The following PRPF4 variants were observed in gnomAD, a reference collection of about 807,000 sequenced individuals.
PRPF4 encodes the protein U4/U6 small nuclear ribonucleoprotein Prp4.
A neutral mutation model predicts 72.2 loss-of-function variants in PRPF4; 14 were observed. The observed-to-expected ratio is 0.19, with a 90% CI of 0.13 to 0.30. PRPF4 has a LOEUF of 0.30. Ranked by LOEUF, PRPF4 falls within the 10% of genes least tolerant of loss-of-function variation. The probability of loss-of-function intolerance (pLI) is 1.00; values close to 1 mark genes in which losing one functional copy is unlikely to be tolerated. For missense variants in PRPF4, 478 were observed against 653.9 expected, an observed-to-expected ratio of 0.73 and a Z score of 2.93; for synonymous variants, 225 against 232.2, an observed-to-expected ratio of 0.97 and a Z score of 0.28.
intron 6 of PRPF4, among the ~76,000 whole-genome samples, 192 bp from the exon 7 acceptor site, chr9:113,284,103 A>G (rs1231364372): frequency 6.6e-6 from 1 of 151,508 alleles, no homozygotes; most frequent in African/African-American, 2.4e-5. Context: ...AGAAAACAGC[A>G]TGCTGGAGTT....
chr9:113,277,797 T>TC (rs1238718742), intron 2 of PRPF4, among the ~76,000 whole-genome samples: 1 of 152,146 alleles, frequency 6.6e-6, no homozygotes, highest in East Asian at 1.9e-4. Context: ...AGCCCAGGAA[T>TC]CCAAGACCAG....
chr9:113,276,859 G>C (rs1832117084), intron 2 of PRPF4, 134 bp downstream of exon 2: 4 of 1,021,392 alleles, frequency 3.9e-6, no homozygotes, highest in Non-Finnish European at 5.6e-6. Flanking sequence ...TCTGTCGCCA[G>C]GCTGGAGTGC....
At chr9:113,284,845 G>A (rs1015628750) in intron 7 of PRPF4, among the ~76,000 whole-genome samples, 4 of 152,172 alleles carry the variant, frequency 2.6e-5, no homozygotes, top group South Asian at 2.1e-4. Context: ...CTCGTTAAAC[G>A]TTAATTATTG....
Position 113,282,990 on chromosome 9 carries a change from C to T in PRPF4, c.481-142C>T. ...TAGTTACATATCATAGAAAAAAATT[C>T]AGTAGAAAGTCCTCTGCCTGATTTC... On this transcript the variant is annotated intron_variant, in intron 4 of 13. Coordinates refer to ENST00000374198, the MANE Select transcript of PRPF4 (RefSeq NM_001244926.2). The T allele has an allele frequency of 3.4e-6, 5 of 1,464,306 alleles. 1 individual carries two copies. In the South Asian group the frequency reaches 6.8e-5, roughly 20 times the overall value. 90.7% of individuals were successfully genotyped at this position (1,464,306 alleles called of 1,614,324 possible). A position where few individuals can be genotyped will look rare whatever the true frequency, so the allele number is the denominator to read the frequency against.
chr9:113,282,487 A>AT (rs370244839), intron 3 of PRPF4, among the ~76,000 whole-genome samples, 159 bp from the exon 4 acceptor site: 1 of 150,748 alleles, frequency 6.6e-6, no homozygotes, highest in African/African-American at 2.4e-5. Context: ...GAAAAAAAAA[A>AT]GGTTGCTAGG....
chr9:113,290,336 C>T, intron 10 of PRPF4, 130 bp from the exon 11 acceptor site: 1 of 1,307,324 alleles, frequency 7.6e-7, no homozygotes, highest in Non-Finnish European at 1.1e-6. Flanking sequence ...AAGGAGCTTC[C>T]TGTTAATATG....
chr9:113,290,258 G>T (rs10981719), intron 10 of PRPF4, among the ~76,000 whole-genome samples: 1 of 151,600 alleles, frequency 6.6e-6, no homozygotes, highest in Admixed American at 6.6e-5. Context: ...GGTTTACAGC[G>T]ATTCCATGGT....
intron 3 of PRPF4, among the ~76,000 whole-genome samples, chr9:113,279,838 T>A (rs12348629): frequency 0.09 from 13,656 of 152,240 alleles, 925 homozygotes; most frequent in African/African-American, 0.18. Flanking sequence ...AGAACAATGA[T>A]AAATGTTTCT....
chr9:113,287,162 A>T (rs1832473146), intron 9 of PRPF4, among the ~76,000 whole-genome samples: 1 of 152,184 alleles, frequency 6.6e-6, no homozygotes, highest in African/African-American at 2.4e-5. Context: ...GCCTTTTCTT[A>T]CTAAAGGAGT....
chr9:113,279,064 G>T lies in PRPF4; in HGVS notation c.325G>T (p.Ala109Ser). 2 of 1,614,258 alleles carry T rather than the reference G, an allele frequency of 1.2e-6. No homozygotes were observed. Among genetic ancestry groups the T allele is most frequent in the Non-Finnish European group, 8.5e-7 (1 of 1,180,048 alleles). Residue 109 changes from alanine to serine, a missense_variant, in exon 3 of 14, where the codon GCT becomes TCT. Ala to Ser is a moderately conservative substitution (Grantham distance 99, BLOSUM62 1). Coordinates refer to ENST00000374198, the MANE Select transcript of PRPF4 (RefSeq NM_001244926.2). ...TTCCACAGATGACTCAGAGGTCAAA[G>T]CTTGCCTTAGAGCCTTGGGGGAACC... is the stretch of plus-strand genomic sequence containing the variant. Reference protein sequence around the residue: ...NVSTDDSEVKACLRALGEPIT... With the variant: ...NVSTDDSEVKSCLRALGEPIT...
intron 6 of PRPF4, 135 bp downstream of exon 6, chr9:113,283,617 A>G: frequency 1.2e-6 from 1 of 815,666 alleles, no homozygotes; most frequent in Non-Finnish European, 1.9e-6. Flanking sequence ...CTGCTGTGAC[A>G]TGGAAGGAGC....
In PRPF4 at chr9:113,284,333, G is replaced by A. The variant is rs753520157; in HGVS notation, c.693G>A (p.Arg231=). 1.3e-5 allele frequency: 21 copies of A among 1,613,186 alleles called. No individual in the cohort carries two copies. Among genetic ancestry groups the A allele is most frequent in the Non-Finnish European group, 1.7e-5 (20 of 1,179,376 alleles). The change falls in exon 7 of 14, where the codon CGG becomes CGA. Residue 231 remains arginine (R), a synonymous_variant. Transcript: ENST00000374198. ...NNFCSQIGDD[R]PISYCHFSPN... The stretch of plus-strand genomic sequence containing the variant: ...TTTGCAGTCAGATTGGGGATGATCG[G>A]CCTATCTCCTACTGTCACTTTAGTC...
intron 8 of PRPF4, 70 bp from the exon 9 acceptor site, chr9:113,286,635 T>C: frequency 6.3e-7 from 1 of 1,575,650 alleles, no homozygotes; most frequent in Non-Finnish European, 8.7e-7. Context: ...TGTCCACATG[T>C]TCCCTAGTAT....
intron 2 of PRPF4, among the ~76,000 whole-genome samples, chr9:113,277,450 A>G (rs1832144421): frequency 1.3e-5 from 2 of 151,616 alleles, no homozygotes; most frequent in Admixed American, 1.3e-4. Context: ...CAGTGGCGTA[A>G]CCTTGGCTCA....
intron 1 of PRPF4, among the ~76,000 whole-genome samples, chr9:113,276,242 A>T (rs894887422): frequency 6.6e-6 from 1 of 152,226 alleles, no homozygotes; most frequent in Non-Finnish European, 1.5e-5. Context: ...GAAGCATAAA[A>T]CACGAGATTG....
Position 113,288,158 on chromosome 9 carries a change from G to C in PRPF4, c.933-17G>C. ...TATATGTCTATAAAATTGTTTATATGTTTGGTTCCTTTCCAGTGATGAACC... is the reference window on the plus strand; with the variant it reads ...TATATGTCTATAAAATTGTTTATATCTTTGGTTCCTTTCCAGTGATGAACC... On this transcript the variant is annotated splice_polypyrimidine_tract_variant and intron_variant, in intron 9 of 13. Transcript: ENST00000374198. 6.2e-7 allele frequency: 1 copy of C among 1,612,652 alleles called. No homozygotes were observed. The highest frequency in any genetic ancestry group is 1.1e-5 in the South Asian group (1 of 91,030).
intron 1 of PRPF4, 117 bp from the exon 2 acceptor site, chr9:113,276,431 C>T: frequency 8.8e-7 from 1 of 1,140,796 alleles, no homozygotes; most frequent in East Asian, 2.4e-5. Flanking sequence ...TCCAATTTGT[C>T]CTTTCAATTA....
intron 7 of PRPF4, among the ~76,000 whole-genome samples, chr9:113,285,527 C>A (rs955993813): frequency 2.0e-5 from 3 of 150,486 alleles, no homozygotes; most frequent in Non-Finnish European, 4.4e-5. Context: ...TACAGGCACC[C>A]GCCACCGCAC....
intron 2 of PRPF4, 135 bp from the exon 3 acceptor site, chr9:113,278,810 T>C: frequency 1.1e-6 from 1 of 896,372 alleles, no homozygotes; most frequent in Non-Finnish European, 1.6e-6. Flanking sequence ...TTTAATAAAC[T>C]GAAAAACAGT....
Sources: gnomAD v4.1 joint callset for allele counts (sites outside exome capture counted in the v4.1 genomes callset) on GRCh38, gnomAD v4.1.1 for gene constraint, MANE v1.5 for transcripts, NCBI Gene and HGNC (gene_info 2026-07-23, HGNC 2026-07-21) for gene names.